FSHR: variants seen among roughly 807,000 people sequenced by gnomAD.
The protein encoded by FSHR is follicle-stimulating hormone receptor.
In FSHR, 46 loss-of-function variants were observed where a neutral mutation model predicts 52.1. The ratio of observed to expected loss-of-function variants is 0.88; its 90% CI spans 0.70 to 1.13. The LOEUF (loss-of-function observed/expected upper bound fraction) is 1.13. Among genes scored for constraint, FSHR ranks in the 50% most tolerant of loss-of-function variants. The pLI, the probability that FSHR is intolerant of heterozygous loss-of-function variation, is 0.00. For synonymous variants in FSHR, 399 were observed against 309.6 expected (o/e 1.29, Z -3.03); for missense variants, 964 against 834.6 (o/e 1.16, Z -1.91).
intron 2 of FSHR, among the ~76,000 whole-genome samples, chr2:49,056,129 C>T (rs1186712767): frequency 6.6e-6 from 1 of 151,776 alleles, no homozygotes; most frequent in Non-Finnish European, 1.5e-5. Context: ...AGAGTAAGTC[C>T]TCACCTATTA....
intron 1 of FSHR, among the ~76,000 whole-genome samples, chr2:49,071,797 G>A (rs1478094014): frequency 1.4e-5 from 2 of 141,636 alleles, no homozygotes; most frequent in Admixed American, 1.4e-4. Context: ...ACGTGGCAAC[G>A]GATGAAGGAT....
intron 2 of FSHR, among the ~76,000 whole-genome samples, chr2:49,033,629 G>C (rs1012899475): frequency 2.0e-5 from 3 of 152,116 alleles, no homozygotes; most frequent in African/African-American, 4.8e-5. Flanking sequence ...CTGGCATACA[G>C]CATCATGGGA....
intron 1 of FSHR, among the ~76,000 whole-genome samples, chr2:49,099,387 G>A (rs942421284): frequency 9.2e-5 from 14 of 151,890 alleles, no homozygotes; most frequent in South Asian, 2.1e-4. Flanking sequence ...CGCCATGATC[G>A]TGAGGCCTCC....
At chr2:49,125,026 G>A (rs1284730818) in intron 1 of FSHR, among the ~76,000 whole-genome samples, 1 of 152,158 alleles carries the variant, frequency 6.6e-6, no homozygotes, top group Non-Finnish European at 1.5e-5. Flanking sequence ...TCCTGTCCCA[G>A]AGTCACTGCT....
intron 1 of FSHR, among the ~76,000 whole-genome samples, chr2:49,069,127 G>T (rs910461701): frequency 6.6e-6 from 1 of 152,006 alleles, no homozygotes; most frequent in Non-Finnish European, 1.5e-5. Context: ...AAAAATCAAA[G>T]TTGTTTACAA....
intron 1 of FSHR, among the ~76,000 whole-genome samples, chr2:49,083,959 A>G (rs1171037438): frequency 6.6e-6 from 1 of 151,954 alleles, no homozygotes; most frequent in Non-Finnish European, 1.5e-5. Context: ...CAAAAAGGAT[A>G]CCCAGGAATT....
chr2:49,071,300 A>G (rs1420854033), intron 1 of FSHR, among the ~76,000 whole-genome samples: 1 of 152,208 alleles, frequency 6.6e-6, no homozygotes, highest in Non-Finnish European at 1.5e-5. Context: ...ATTAAAGAAG[A>G]TATTTTAAAT....
chr2:49,045,096 T>C (rs1006933547), intron 2 of FSHR, among the ~76,000 whole-genome samples: 4 of 152,246 alleles, frequency 2.6e-5, no homozygotes, highest in Admixed American at 2.0e-4. Context: ...AAGTGTTTTT[T>C]TTCCCCATAA....
chr2:49,020,758 C>T lies in FSHR; in HGVS notation c.225-598G>A, dbSNP rs184389968. On this transcript the variant is annotated intron_variant, in intron 2 of 9. Coordinates refer to ENST00000406846, the MANE Select transcript of FSHR (RefSeq NM_000145.4). ...AGTTGTTTTCTCTCTGCTAATCTGG[C>T]TTTGAGAGATGAGAACTTCAATCCA... Among the ~76,000 whole-genome samples, 557 of 152,276 alleles carry T rather than the reference C, an allele frequency of 3.7e-3. 8 individuals carry two copies. The highest frequency in any genetic ancestry group is 0.028 in the East Asian group (146 of 5,168).
At chr2:49,088,163 C>G (rs906984037) in intron 1 of FSHR, among the ~76,000 whole-genome samples, 1 of 152,136 alleles carries the variant, frequency 6.6e-6, no homozygotes, top group African/African-American at 2.4e-5. Context: ...TCCCAAAGCC[C>G]ATGCGCACAA....
At chr2:49,118,085 CTTTG>C (rs1671671184) in intron 1 of FSHR, among the ~76,000 whole-genome samples, 1 of 152,122 alleles carries the variant, frequency 6.6e-6, no homozygotes, top group Non-Finnish European at 1.5e-5. Context: ...TGAGGCATCT[CTTTG>C]AAAATGTTAA....
chr2:49,136,373 A>G (rs1009762230), intron 1 of FSHR, among the ~76,000 whole-genome samples: 1 of 152,168 alleles, frequency 6.6e-6, no homozygotes, highest in Non-Finnish European at 1.5e-5. Context: ...ATTAGAAGCC[A>G]AAAAACTACT....
intron 4 of FSHR, among the ~76,000 whole-genome samples, chr2:48,990,873 A>G (rs1219209704): frequency 7.1e-6 from 1 of 141,610 alleles, no homozygotes; most frequent in Non-Finnish European, 1.6e-5. Context: ...CAAGGGGATT[A>G]GGATGCCACA....
intron 2 of FSHR, 29 bp from the exon 3 acceptor site, chr2:49,020,189 C>G (rs914924401): frequency 6.4e-7 from 1 of 1,562,852 alleles, no homozygotes; most frequent in African/African-American, 1.4e-5. Context: ...ATAAGTCAAG[C>G]CAGTTCAGTT....
At chr2:49,058,371 A>G (rs1436003075) in intron 2 of FSHR, among the ~76,000 whole-genome samples, 2 of 151,960 alleles carry the variant, frequency 1.3e-5, no homozygotes, top group Non-Finnish European at 2.9e-5. Flanking sequence ...ACATGGTGAA[A>G]CCCTGTCTCT....
chr2:49,113,543 A>G (rs1274961115), intron 1 of FSHR, among the ~76,000 whole-genome samples: 2 of 152,188 alleles, frequency 1.3e-5, no homozygotes, highest in Non-Finnish European at 2.9e-5. Context: ...TTAAATAAAA[A>G]ACCATTCAAA....
chr2:49,039,078 A>G (rs957528508), intron 2 of FSHR, among the ~76,000 whole-genome samples: 1 of 152,196 alleles, frequency 6.6e-6, no homozygotes, highest in East Asian at 1.9e-4. Context: ...CTAAATCTAA[A>G]GTACAGTTTT....
chr2:49,033,022 A>T (rs1002396292), intron 2 of FSHR, among the ~76,000 whole-genome samples: 1 of 152,230 alleles, frequency 6.6e-6, no homozygotes, highest in Non-Finnish European at 1.5e-5. Flanking sequence ...CACAATTTGC[A>T]TATCTAATTA....
chr2:49,070,848 A>T (rs973475982), intron 1 of FSHR, among the ~76,000 whole-genome samples: 1 of 152,204 alleles, frequency 6.6e-6, no homozygotes, highest in African/African-American at 2.4e-5. Context: ...TCTATAAAAC[A>T]TTACAAATAT....
Sources: allele counts gnomAD v4.1 joint callset (sites outside exome capture counted in the v4.1 genomes callset), GRCh38; gene constraint gnomAD v4.1.1; transcripts MANE v1.5; gene names NCBI Gene and HGNC (gene_info 2026-07-23, HGNC 2026-07-21).